Variants in DMD observed in about 807,000 individuals in gnomAD.
DMD encodes mutant dystrophin.
A neutral mutation model predicts 330.1 loss-of-function variants in DMD; 63 were observed. The ratio of observed to expected loss-of-function variants is 0.19; its 90% CI spans 0.16 to 0.24. The LOEUF (loss-of-function observed/expected upper bound fraction) is 0.24, where lower values mean the gene tolerates loss of function less well. Among genes scored for constraint, DMD ranks in the 10% least tolerant of loss-of-function variants. The pLI, the probability that DMD is intolerant of heterozygous loss-of-function variation, is 1.00. For synonymous variants in DMD, 1,223 were observed against 959.8 expected (o/e 1.27, Z -5.07); for missense variants, 3,344 against 2,684.1 (o/e 1.25, Z -5.43).
At chrX:31,183,033 A>C (rs2041333255) in intron 67 of DMD, 129 bp from the exon 68 acceptor site, 2 of 600,082 alleles carry the variant, frequency 3.3e-6, no homozygotes, top group Admixed American at 6.6e-5. Context: ...AATGGTTGCA[A>C]AGCTAGGCTG....
intron 45 of DMD, among the ~76,000 whole-genome samples, chrX:31,950,834 T>C (rs1022837566): frequency 3.7e-5 from 4 of 108,983 alleles, no homozygotes; most frequent in African/African-American, 1.3e-4. Flanking sequence ...GCATAGTACC[T>C]CTTTTTTCTT....
chrX:32,681,451 T>G (rs1047198141), intron 9 of DMD, among the ~76,000 whole-genome samples: 3 of 111,840 alleles, frequency 2.7e-5, no homozygotes, highest in Non-Finnish European at 5.6e-5. Context: ...TATACGTAAC[T>G]CTTCTATTAC....
At chrX:33,058,471 AT>A (rs1163854705) in intron 1 of DMD, among the ~76,000 whole-genome samples, 17 of 50,994 alleles carry the variant, frequency 3.3e-4, no homozygotes, top group East Asian at 1.1e-3. Context: ...TTATTATTTT[AT>A]TTTTTTTTTT....
intron 7 of DMD, among the ~76,000 whole-genome samples, chrX:32,719,769 A>C (rs974277908): frequency 4.5e-5 from 5 of 110,318 alleles, no homozygotes; most frequent in Non-Finnish European, 9.5e-5. Context: ...ATTTACTGTT[A>C]TCAGTCAGTC....
intron 16 of DMD, among the ~76,000 whole-genome samples, chrX:32,551,035 C>G (rs1348444936): frequency 9.0e-6 from 1 of 111,011 alleles, no homozygotes; most frequent in African/African-American, 3.3e-5. Flanking sequence ...CAGACAGATT[C>G]ACACCTGAAT....
chrX:32,386,594 T>A, intron 32 of DMD, 129 bp from the exon 33 acceptor site: 1 of 581,542 alleles, frequency 1.7e-6, no homozygotes, highest in Non-Finnish European at 2.7e-6. Flanking sequence ...GAGTAGCATT[T>A]TGCAGCGGTG....
intron 55 of DMD, among the ~76,000 whole-genome samples, chrX:31,590,741 G>A (rs977692204): frequency 6.3e-5 from 7 of 111,382 alleles, no homozygotes; most frequent in East Asian, 2.8e-4. Context: ...TTTGCATTAC[G>A]TGCATCATAA....
At chrX:31,250,581 T>C (rs2049251182) in intron 63 of DMD, among the ~76,000 whole-genome samples, 1 of 112,224 alleles carries the variant, frequency 8.9e-6, no homozygotes, top group Non-Finnish European at 1.9e-5. Context: ...TTCACAAGCA[T>C]AGATATGGAC....
In DMD at chrX:31,584,552, G is replaced by A. The variant is rs145632448; in HGVS notation, c.8217+43121C>T. Among the ~76,000 whole-genome samples, 777 of 111,567 alleles carry A rather than the reference G, an allele frequency of 7.0e-3. 5 individuals are homozygous for A. Among genetic ancestry groups the A allele is most frequent in the African/African-American group, 0.024 (726 of 30,702 alleles). ...GCACTATTCACAATAGCAAAGACAT[G>A]GAATCAACCCAAATGCCCATCAGTG... On this transcript the variant is annotated intron_variant, in intron 55 of 78. Coordinates refer to ENST00000357033, the MANE Select transcript of DMD (RefSeq NM_004006.3).
chrX:31,772,078 G>T (rs1374710552), intron 51 of DMD, among the ~76,000 whole-genome samples: 3 of 112,213 alleles, frequency 2.7e-5, no homozygotes, highest in African/African-American at 6.5e-5. Flanking sequence ...ATATTATGAT[G>T]TGATATACAG....
At chrX:32,095,473 G>C (rs1225748255) in intron 44 of DMD, among the ~76,000 whole-genome samples, 1 of 111,207 alleles carries the variant, frequency 9.0e-6, no homozygotes, top group African/African-American at 3.3e-5. Flanking sequence ...TCGAGACCAG[G>C]TCTGTGTATG....
chrX:31,600,510 G>GTTTTTT (rs1177947507), intron 55 of DMD, among the ~76,000 whole-genome samples: 5 of 50,470 alleles, frequency 9.9e-5, no homozygotes, highest in Non-Finnish European at 1.4e-4. Context: ...GCCAACTATG[G>GTTTTTT]TTTTTTTTTT....
intron 42 of DMD, among the ~76,000 whole-genome samples, chrX:32,308,894 C>T (rs2097550488): frequency 9.0e-6 from 1 of 111,208 alleles, no homozygotes; most frequent in African/African-American, 3.3e-5. Context: ...CACTTACAAA[C>T]TATGCTGCCA....
chrX:31,154,889 C>A (rs2037920696), intron 74 of DMD, among the ~76,000 whole-genome samples: 1 of 107,416 alleles, frequency 9.3e-6, no homozygotes, highest in Non-Finnish European at 1.9e-5. Flanking sequence ...ACTACAATTT[C>A]TTCCTGTAGC....
intron 61 of DMD, among the ~76,000 whole-genome samples, chrX:31,326,290 T>C (rs1301440598): frequency 9.0e-6 from 1 of 111,481 alleles, no homozygotes; most frequent in African/African-American, 3.3e-5. Flanking sequence ...TATCAGAATA[T>C]GCTTGAACTA....
At chrX:32,821,536 C>T (rs944339620) in intron 5 of DMD, among the ~76,000 whole-genome samples, 69 of 108,637 alleles carry the variant, frequency 6.4e-4, no homozygotes, top group Non-Finnish European at 1.1e-3. Flanking sequence ...TGCAGTGAGC[C>T]GAGATCGCGC....
At chrX:31,168,185 A>G (rs1049136615) in intron 74 of DMD, among the ~76,000 whole-genome samples, 1 of 112,033 alleles carries the variant, frequency 8.9e-6, no homozygotes, top group African/African-American at 3.2e-5. Context: ...GTATTCAGAA[A>G]TACTAGCTAC....
At chrX:31,439,617 C>G (rs1019613648) in intron 60 of DMD, among the ~76,000 whole-genome samples, 3 of 112,026 alleles carry the variant, frequency 2.7e-5, no homozygotes, top group African/African-American at 9.7e-5. Context: ...TCCATGAGTT[C>G]CTACAGTCAA....
intron 7 of DMD, among the ~76,000 whole-genome samples, chrX:32,756,845 A>T (rs994029399): frequency 1.8e-5 from 2 of 111,702 alleles, no homozygotes; most frequent in Non-Finnish European, 3.8e-5. Context: ...GTTAGAATTA[A>T]GTGATGCAAA....
Sources: gnomAD v4.1 joint callset for allele counts (sites outside exome capture counted in the v4.1 genomes callset) on GRCh38, gnomAD v4.1.1 for gene constraint, MANE v1.5 for transcripts, NCBI Gene and HGNC (gene_info 2026-07-23, HGNC 2026-07-21) for gene names.